Variants in CELF2 observed in about 807,000 individuals in gnomAD.
CELF2 encodes CUGBP Elav-like family member 2, also known as CUG triplet repeat RNA-binding protein 2.
Under a neutral mutation model 62.6 loss-of-function variants are expected in CELF2, and 8 were observed. The observed-to-expected ratio is 0.13, with a 90% CI of 0.07 to 0.23. The LOEUF (loss-of-function observed/expected upper bound fraction) is 0.23. Among genes scored for constraint, CELF2 ranks in the 10% least tolerant of loss-of-function variants. The pLI is 1.00. For missense variants in CELF2, 333 were observed against 671.0 expected (o/e 0.50, Z 5.56); for synonymous variants, 258 against 250.0 (o/e 1.03, Z -0.30).
intron 1 of CELF2, among the ~76,000 whole-genome samples, chr10:11,153,060 G>C (rs1206436196): frequency 1.3e-5 from 2 of 152,220 alleles, no homozygotes; most frequent in African/African-American, 4.8e-5. Context: ...ACGACCAAGT[G>C]AAGTCATGTA....
rs928425811 is a variant in CELF2 at position 11,177,991 on chromosome 10, C to G, written c.271+12309C>G. On this transcript the variant is annotated intron_variant, in intron 2 of 12. Transcript: ENST00000633077. This position sits in a 1 kb window ranked among gnomAD's most constrained non-coding sequence, Gnocchi z 4.8. ...CGCAGCCTAGATTGGAACAGCGTGA[C>G]TGCCTGGTAGGATAAAGGAGACGAC... Among the ~76,000 whole-genome samples, 1 of 152,206 alleles carries G rather than the reference C, an allele frequency of 6.6e-6. No individual in the cohort carries two copies. The highest frequency in any genetic ancestry group is 1.5e-5 in the Non-Finnish European group (1 of 68,040).
At chr10:10,508,829 C>G in the CELF2 span, among the ~76,000 whole-genome samples, 1 of 151,984 alleles carries the variant, frequency 6.6e-6, no homozygotes, top group Admixed American at 6.5e-5. Context: ...GCACCCGCCA[C>G]CATGCCCAGC....
At chr10:11,043,181 CCAGGATCACGAT>C (rs1284832018) in intron 1 of CELF2, among the ~76,000 whole-genome samples, 1 of 152,110 alleles carries the variant, frequency 6.6e-6, no homozygotes, top group Non-Finnish European at 1.5e-5. Flanking sequence ...GCTGCCCATC[CCAGGATCACGAT>C]CAGTTAAGTT....
chr10:11,212,769 C>T (rs572737160), intron 2 of CELF2, among the ~76,000 whole-genome samples: 1 of 127,534 alleles, frequency 7.8e-6, no homozygotes, highest in South Asian at 2.9e-4. Flanking sequence ...GCTTCAAGGA[C>T]CAAAGCTTTT....
At position 11,214,294 on chromosome 10, in the gene CELF2, A is replaced by G. The variant is rs535699469; in HGVS notation, c.272-3131A>G. On this transcript the variant is annotated intron_variant, in intron 2 of 12. Transcript: ENST00000633077. This position sits in a 1 kb window ranked among gnomAD's most constrained non-coding sequence, Gnocchi z 4.2. ...GACATCCTGTCTCAAAAATAAATAA[A>G]TTTTTTAATGATGAAACTAACTAAG... Among the ~76,000 whole-genome samples the G allele has an allele frequency of 3.3e-5, 5 of 152,254 alleles. No homozygotes were observed. Among genetic ancestry groups the G allele is most frequent in the African/African-American group, 9.6e-5 (4 of 41,526 alleles).
intron 1 of CELF2, among the ~76,000 whole-genome samples, chr10:10,888,020 G>A (rs552489380): frequency 3.9e-5 from 6 of 152,162 alleles, no homozygotes; most frequent in Admixed American, 6.5e-5. Context: ...TGATCTGGCC[G>A]CCTTGGCCTT....
At chr10:10,905,596 G>A (rs1475124317) in intron 1 of CELF2, among the ~76,000 whole-genome samples, 6 of 130,060 alleles carry the variant, frequency 4.6e-5, no homozygotes, top group Admixed American at 7.4e-5. Flanking sequence ...AAAAAAAAAA[G>A]GGCTGGGCGT....
chr10:10,538,876 A>G, the CELF2 span, among the ~76,000 whole-genome samples: 116 of 152,188 alleles, frequency 7.6e-4, 1 homozygote, highest in East Asian at 0.018. Flanking sequence ...TTTCGTTAGC[A>G]TTTTTTCTTT....
rs760707823 is a variant in CELF2, at chr10:11,010,420, C to T, written c.53+4980C>T. Among the ~76,000 whole-genome samples the T allele has an allele frequency of 2.0e-5, 3 of 152,068 alleles. No homozygotes were observed. Among genetic ancestry groups the T allele is most frequent in the Non-Finnish European group, 4.4e-5 (3 of 68,018 alleles). On this transcript the variant is annotated intron_variant, in intron 1 of 12. Transcript: ENST00000416382. The surrounding 1 kb of genome is among the most constrained non-coding windows in gnomAD (Gnocchi z 4.1). ...CCTTCTCTCTTCCTTTCCAACTGCC[C>T]GTTGTAGGTTTTAACAAAGATAGGG...
At chr10:11,153,105 G>A (rs996567497) in intron 1 of CELF2, among the ~76,000 whole-genome samples, 17 of 152,162 alleles carry the variant, frequency 1.1e-4, no homozygotes, top group Admixed American at 5.2e-4. Flanking sequence ...ATTTAGAGCC[G>A]TTGGCTCATG....
chr10:10,984,582 T>C (rs756246497), intron 2 of CELF2, among the ~76,000 whole-genome samples: 7 of 152,186 alleles, frequency 4.6e-5, no homozygotes, highest in Non-Finnish European at 8.8e-5. Flanking sequence ...ATAACCTCAG[T>C]TGCATGTACT....
intron 1 of CELF2, among the ~76,000 whole-genome samples, chr10:11,109,173 G>A (rs1159896642): frequency 1.3e-5 from 2 of 152,194 alleles, no homozygotes; most frequent in Non-Finnish European, 2.9e-5. Flanking sequence ...TGTTGCTCCT[G>A]TGGCAGTAAG....
At chr10:10,564,641 T>TACACACACACACAC in the CELF2 span, among the ~76,000 whole-genome samples, 1 of 136,182 alleles carries the variant, frequency 7.3e-6, no homozygotes, top group African/African-American at 2.9e-5. Flanking sequence ...GTTAACTGAA[T>TACACACACACACAC]ACACACACAC....
At chr10:11,116,285 TA>T (rs1188749691) in intron 1 of CELF2, among the ~76,000 whole-genome samples, 1 of 152,214 alleles carries the variant, frequency 6.6e-6, no homozygotes, top group African/African-American at 2.4e-5. Context: ...AGTCTGTTAT[TA>T]GACTTAATTT....
intron 2 of CELF2, among the ~76,000 whole-genome samples, chr10:10,987,306 A>G (rs1384228859): frequency 6.6e-6 from 1 of 152,010 alleles, no homozygotes; most frequent in Non-Finnish European, 1.5e-5. Context: ...CTAATTCGGA[A>G]CAGTTTTTTT....
At chr10:10,749,929 A>G in the CELF2 span, among the ~76,000 whole-genome samples, 1 of 152,252 alleles carries the variant, frequency 6.6e-6, no homozygotes, top group Admixed American at 6.5e-5. Context: ...TTGGGGAAAT[A>G]AGAGGAACAA....
chr10:11,071,200 C>T (rs111231739), intron 1 of CELF2, among the ~76,000 whole-genome samples: 7 of 152,334 alleles, frequency 4.6e-5, no homozygotes, highest in African/African-American at 1.7e-4. Flanking sequence ...TCGTGCTTCC[C>T]TGAGTTCCAC....
upstream of CELF2, among the ~76,000 whole-genome samples, chr10:10,795,731 C>T (rs7068662): frequency 2.9e-4 from 43 of 149,946 alleles, 1 homozygote; most frequent in African/African-American, 1.0e-3. Context: ...CATAAACACA[C>T]ACACACTTGG....
chr10:10,900,010 G>C (rs963943789), intron 1 of CELF2, among the ~76,000 whole-genome samples: 6 of 152,184 alleles, frequency 3.9e-5, no homozygotes, highest in African/African-American at 1.4e-4. Context: ...TGAATTCCTT[G>C]TAAGACACAA....
Sources: gnomAD v4.1 joint callset for allele counts (sites outside exome capture counted in the v4.1 genomes callset) on GRCh38, gnomAD v4.1.1 for gene constraint, Gnocchi (gnomAD v3.1) non-coding constraint, MANE v1.5 for transcripts, NCBI Gene and HGNC (gene_info 2026-07-23, HGNC 2026-07-21) for gene names.